ABCB5: variants seen among roughly 807,000 people sequenced by gnomAD.
ABCB5 encodes the protein ATP-binding cassette sub-family B member 5.
A neutral mutation model predicts 144.2 loss-of-function variants in ABCB5; 155 were observed. The ratio of observed to expected loss-of-function variants is 1.08; its 90% confidence interval spans 0.94 to 1.23. The LOEUF (loss-of-function observed/expected upper bound fraction) is 1.23. Among genes scored for constraint, ABCB5 ranks in the 50% most tolerant of loss-of-function variants. ABCB5 has a pLI of 0.00. For synonymous variants in ABCB5, 610 were observed against 528.6 expected (o/e 1.15, Z -2.11); for missense variants, 1,830 against 1,520.8 (o/e 1.20, Z -3.38).
chr7:20,729,903 C>A (rs781356094), intron 23 of ABCB5, among the ~76,000 whole-genome samples: 21 of 152,198 alleles, frequency 1.4e-4, no homozygotes, highest in Non-Finnish European at 2.6e-4. Context: ...CTTTGAATAT[C>A]CTTATTGTTG....
At chr7:20,663,779 G>A (rs1463638968) in intron 14 of ABCB5, among the ~76,000 whole-genome samples, 1 of 141,816 alleles carries the variant, frequency 7.1e-6, no homozygotes, top group Non-Finnish European at 1.5e-5. Flanking sequence ...GCAGTGGCAT[G>A]ATCTCAGCTC....
At chr7:20,695,761 GA>G (rs2128042459) in intron 16 of ABCB5, among the ~76,000 whole-genome samples, 1 of 151,898 alleles carries the variant, frequency 6.6e-6, no homozygotes, top group South Asian at 2.1e-4. Flanking sequence ...CAAAAGATTT[GA>G]AAAGGCATTT....
chr7:20,708,178 C>A (rs1786886244), intron 20 of ABCB5, among the ~76,000 whole-genome samples: 3 of 152,126 alleles, frequency 2.0e-5, no homozygotes, highest in Admixed American at 2.0e-4. Context: ...TTGATTCAAA[C>A]AATGTTGCCA....
intron 4 of ABCB5, among the ~76,000 whole-genome samples, chr7:20,629,888 G>A (rs1783997680): frequency 6.6e-6 from 1 of 152,092 alleles, no homozygotes; most frequent in Non-Finnish European, 1.5e-5. Context: ...AGCCATGCAT[G>A]GCACTATATA....
At chr7:20,644,988 C>A (rs1384525340) in intron 7 of ABCB5, among the ~76,000 whole-genome samples, 2 of 152,130 alleles carry the variant, frequency 1.3e-5, no homozygotes, top group Non-Finnish European at 2.9e-5. Context: ...AGAACCTTAA[C>A]GTCCACAGAA....
At chr7:20,663,310 T>A (rs1583406649) in intron 14 of ABCB5, among the ~76,000 whole-genome samples, 1 of 152,332 alleles carries the variant, frequency 6.6e-6, no homozygotes, top group East Asian at 1.9e-4. Context: ...CATAGTAGCA[T>A]CATCTACAGT....
Position 20,704,742 on chromosome 7 carries a change from G to T in ABCB5, c.2356G>T (p.Glu786Ter), listed in dbSNP as rs972671782. ...MLYQDIAWFDEKENSTGGLTT... is the reference protein window; with the variant it reads ...MLYQDIAWFD ...TCTCTAGGATATTGCCTGGTTTGATGAAAAGGAAAACAGCACAGGAGGCTT... is the reference window on the plus strand; with the variant it reads ...TCTCTAGGATATTGCCTGGTTTGATTAAAAGGAAAACAGCACAGGAGGCTT... Residue 786 changes from glutamate (E) to a stop codon, truncating the protein, a stop_gained, in exon 20 of 28, where the codon GAA (glutamate) becomes TAA (stop). Coordinates refer to ENST00000404938, the MANE Select transcript of ABCB5 (RefSeq NM_001163941.2). LOFTEE classifies it high-confidence loss of function. 1 of 1,613,582 alleles carries T rather than the reference G, an allele frequency of 6.2e-7. No individual in the cohort carries two copies. The highest frequency in any genetic ancestry group is 1.7e-5 in the Admixed American group (1 of 59,990).
chr7:20,679,485 A>AAAAAAAAAAAAAG (rs1396302002), intron 14 of ABCB5, among the ~76,000 whole-genome samples: 2 of 147,456 alleles, frequency 1.4e-5, no homozygotes, highest in African/African-American at 5.3e-5. Flanking sequence ...AAAAAAAAAA[A>AAAAAAAAAAAAAG]AGAGAGAGAG....
intron 13 of ABCB5, 156 bp downstream of exon 13, chr7:20,651,779 T>G (rs1784603135): frequency 1.4e-6 from 1 of 689,782 alleles, no homozygotes; most frequent in African/African-American, 1.8e-5. Context: ...TGGCACAAGA[T>G]GGCTTTGAAT....
rs1400182485 is a variant in ABCB5 at position 20,632,118 on chromosome 7, G to C, written c.314+5G>C. On this transcript the variant is annotated splice_donor_5th_base_variant and intron_variant, in intron 5 of 27. Transcript: ENST00000404938. The stretch of plus-strand genomic sequence containing the variant: ...GCTGAATGAAGATATGACTCTGTAA[G>C]TCCAAATGAAACGTTAATATCACAT... 2 of 1,503,102 alleles carry C rather than the reference G, an allele frequency of 1.3e-6. No homozygotes were observed. The highest frequency in any genetic ancestry group is 2.8e-5 in the African/African-American group (2 of 71,084). The allele number at this position is 1,503,102 out of a possible 1,614,324, so 93.1% of individuals were successfully genotyped here. A position where few individuals can be genotyped will look rare whatever the true frequency, so the allele number is the denominator to read the frequency against.
At chr7:20,686,006 G>A (rs965313901) in intron 16 of ABCB5, among the ~76,000 whole-genome samples, 170 bp downstream of exon 16, 1 of 152,052 alleles carries the variant, frequency 6.6e-6, no homozygotes, top group Non-Finnish European at 1.5e-5. Context: ...CTCTAGGTAA[G>A]GCTGCCTAAT....
At chr7:20,660,123 T>C (rs1341472299) in intron 14 of ABCB5, 1 of 983,254 alleles carries the variant, frequency 1.0e-6, no homozygotes, top group African/African-American at 1.7e-5. Context: ...AAATAAATAG[T>C]TGCTTGGTGA....
At chr7:20,663,963 G>A (rs146448884) in intron 14 of ABCB5, among the ~76,000 whole-genome samples, 93 of 151,620 alleles carry the variant, frequency 6.1e-4, no homozygotes, top group African/African-American at 9.2e-4. Context: ...TGATCCACGC[G>A]CCTCGGCCTC....
intron 14 of ABCB5, among the ~76,000 whole-genome samples, chr7:20,664,145 A>G (rs1785096688): frequency 1.3e-5 from 2 of 152,194 alleles, no homozygotes; most frequent in Admixed American, 1.3e-4. Flanking sequence ...TTGGCCTCTC[A>G]GAGTCAGAAG....
At chr7:20,741,605 C>T (rs1410170878) in intron 24 of ABCB5, among the ~76,000 whole-genome samples, 6 of 151,970 alleles carry the variant, frequency 3.9e-5, no homozygotes, top group Admixed American at 2.0e-4. Context: ...TTAACCACAT[C>T]TTAACATCAA....
Position 20,643,361 on chromosome 7 carries a change from C to T in ABCB5, c.492C>T (p.Asn164=), listed in dbSNP as rs1784334775. 1.2e-6 allele frequency: 2 copies of T among 1,613,888 alleles called. No individual in the cohort carries two copies. The highest frequency in any genetic ancestry group is 1.7e-6 in the Non-Finnish European group (2 of 1,179,882). Residue 164 remains asparagine (N), a synonymous_variant, in exon 6 of 28, where the codon AAC becomes AAT. Transcript: ENST00000404938. ...WFDSCDIGEL[N]TRMTDDIDKI... ...ATAGCTGTGACATCGGTGAACTTAA[C>T]ACTCGCATGACAGAGTAAGAGGATG...
rs375602893 is a variant in ABCB5, at chr7:20,643,477, A to G, written c.523A>G (p.Ser175Gly). ...TRMTDDIDKI[S>G]DGIGDKIALL... ...TTGTTTCAGTGACATTGACAAAATC[A>G]GTGATGGTATTGGAGATAAGATTGC... The change falls in exon 7 of 28, where the codon AGT (serine) becomes GGT (glycine). Residue 175 changes from serine (S) to glycine (G), a missense_variant. By Grantham distance (56) the Ser-to-Gly change is moderately conservative. Coordinates refer to ENST00000404938, the MANE Select transcript of ABCB5 (RefSeq NM_001163941.2). 9 of 1,613,938 alleles carry G rather than the reference A, an allele frequency of 5.6e-6. No homozygotes were observed. Among genetic ancestry groups the G allele is most frequent in the Non-Finnish European group, 7.6e-6 (9 of 1,179,906 alleles).
Position 20,755,624 on chromosome 7 carries a change from A to G in ABCB5, c.3774A>G (p.Ter1258TrpextTer3). 1 of 1,613,844 alleles carries G rather than the reference A, an allele frequency of 6.2e-7. No individual in the cohort carries two copies. Among genetic ancestry groups the G allele is most frequent in the Admixed American group, 1.7e-5 (1 of 60,020 alleles). Reference sequence around the variant, plus strand: ...TAGTGAATGCACAGTCAGTGCAGTGATGCTGTTGAGGTAGCACATATTTTG... The same window carrying G: ...TAGTGAATGCACAGTCAGTGCAGTGGTGCTGTTGAGGTAGCACATATTTTG... ...FKLVNAQSVQ[*>W] Residue 1258 changes from the stop codon to tryptophan, a stop_lost, in exon 28 of 28, where the codon TGA (stop) becomes TGG (tryptophan). Coordinates refer to ENST00000404938, the MANE Select transcript of ABCB5 (RefSeq NM_001163941.2).
intron 14 of ABCB5, among the ~76,000 whole-genome samples, chr7:20,662,815 T>C (rs1377984052): frequency 1.3e-5 from 2 of 152,126 alleles, no homozygotes; most frequent in African/African-American, 2.4e-5. Context: ...GAGAATCTGA[T>C]TGAGAAAGGG....
Sources: allele counts gnomAD v4.1 joint callset (sites outside exome capture counted in the v4.1 genomes callset), GRCh38; gene constraint gnomAD v4.1.1; transcripts MANE v1.5; gene names NCBI Gene and HGNC (gene_info 2026-07-23, HGNC 2026-07-21).